STK3: variants seen among roughly 807,000 people sequenced by gnomAD.
STK3 encodes the protein serine/threonine kinase 3, also known as serine/threonine-protein kinase 3.
Under a neutral mutation model 58.0 loss-of-function variants are expected in STK3, and 41 were observed. The observed-to-expected ratio is 0.71, with a 90% CI of 0.55 to 0.92. The LOEUF is 0.92. Ranked by LOEUF, STK3 falls within the 40% of genes least tolerant of loss-of-function variation. The pLI is 0.00. For synonymous variants in STK3, 170 were observed against 191.0 expected, an observed-to-expected ratio of 0.89 and a Z score of 0.91; for missense variants, 479 against 602.7, an observed-to-expected ratio of 0.79 and a Z score of 2.15.
rs768524020 is a variant in STK3, at chr8:98,596,149, T to C, written c.705A>G (p.Thr235=). ...GCTTTCTGAATGTTGGTGGTGGATT[T>C]GTGGGAATCATAAAAATAGCCTAGT... ...HPMRAIFMIP[T]NPPPTFRKPE... is the part of the protein sequence containing the mutation. Residue 235 remains threonine, a synonymous_variant, in exon 7 of 11, where the codon ACA becomes ACG. Transcript: ENST00000419617. The C allele has an allele frequency of 6.2e-7, 1 of 1,612,838 alleles. No individual in the cohort carries two copies. The highest frequency in any genetic ancestry group is 1.1e-5 in the South Asian group (1 of 90,754).
intron 9 of STK3, among the ~76,000 whole-genome samples, chr8:98,535,857 A>G (rs1194651997): frequency 6.6e-6 from 1 of 152,148 alleles, no homozygotes; most frequent in Non-Finnish European, 1.5e-5. Context: ...AAAACCTTCA[A>G]AACAGAAAGA....
At chr8:98,646,838 A>C (rs1021863623) in intron 6 of STK3, among the ~76,000 whole-genome samples, 2 of 152,082 alleles carry the variant, frequency 1.3e-5, no homozygotes, top group Non-Finnish European at 2.9e-5. Context: ...ACTGTTACCA[A>C]CCTAACACAT....
intron 6 of STK3, among the ~76,000 whole-genome samples, chr8:98,696,119 T>A (rs527831929): frequency 1.3e-4 from 20 of 152,324 alleles, no homozygotes; most frequent in African/African-American, 4.6e-4. Flanking sequence ...TTATTCTCTT[T>A]GAAGCAATTG....
intron 1 of STK3, 104 bp downstream of exon 1, chr8:98,825,411 C>A (rs993976323): frequency 2.4e-5 from 27 of 1,111,786 alleles, no homozygotes; most frequent in East Asian, 3.9e-5. Flanking sequence ...CGGCTCGGGG[C>A]CCGGCGGGCG....
At chr8:98,357,128 T>A in the STK3 span, among the ~76,000 whole-genome samples, 1 of 152,208 alleles carries the variant, frequency 6.6e-6, no homozygotes, top group Non-Finnish European at 1.5e-5. Flanking sequence ...GAGCTTAAGA[T>A]GCCATGAACA....
chr8:98,739,939 G>A (rs1436618171), intron 4 of STK3, among the ~76,000 whole-genome samples: 11 of 151,810 alleles, frequency 7.2e-5, no homozygotes, highest in Admixed American at 2.0e-4. Context: ...CGAGAACTAC[G>A]TGAAGAATGC....
At chr8:98,348,921 T>G in the STK3 span, among the ~76,000 whole-genome samples, 1 of 152,158 alleles carries the variant, frequency 6.6e-6, no homozygotes, top group Non-Finnish European at 1.5e-5. Flanking sequence ...CCAAAAGAAG[T>G]TGAAAACTTA....
chr8:98,351,306 A>G, the STK3 span, among the ~76,000 whole-genome samples: 2 of 152,220 alleles, frequency 1.3e-5, no homozygotes, highest in Non-Finnish European at 2.9e-5. Flanking sequence ...AAAGTGTATA[A>G]TGGCTCCATG....
At chr8:98,858,364 A>G (rs1316771838) in intron 3 of STK3, among the ~76,000 whole-genome samples, 1 of 143,842 alleles carries the variant, frequency 7.0e-6, no homozygotes, top group Non-Finnish European at 1.5e-5. Flanking sequence ...AGAGAGACAG[A>G]GAGAGAGTAT....
chr8:98,833,337 G>A (rs1442639805), intron 3 of STK3, among the ~76,000 whole-genome samples: 1 of 152,108 alleles, frequency 6.6e-6, no homozygotes, highest in Non-Finnish European at 1.5e-5. Flanking sequence ...GTTAAAATAA[G>A]GGGGGTTATG....
rs1316553850 is a variant in STK3, at chr8:98,385,874, C to A, written n.56+2318G>T. ...CCCGTATTCCAAATGATTGTGTATT[C>A]TGTGGCTGGATTAATCTTCTTCCAG... On this transcript the variant is annotated intron_variant and non_coding_transcript_variant, in intron 1 of 2. Transcript: ENST00000518704. 2.0e-5 allele frequency among the ~76,000 whole-genome samples: 3 copies of A among 152,180 alleles called. No individual in the cohort carries two copies. The East Asian group carries it at 5.8e-4, about 29-fold the overall frequency.
chr8:98,510,142 C>G (rs1379013691), intron 10 of STK3, among the ~76,000 whole-genome samples: 1 of 152,086 alleles, frequency 6.6e-6, no homozygotes, highest in African/African-American at 2.4e-5. Context: ...ATGATGTTGA[C>G]ATACATTATT....
intron 1 of STK3, among the ~76,000 whole-genome samples, chr8:98,914,646 C>T (rs1318035718): frequency 1.3e-5 from 2 of 152,120 alleles, no homozygotes; most frequent in Non-Finnish European, 2.9e-5. Flanking sequence ...CTCAACTGTC[C>T]TCATCTCTCT....
intron 3 of STK3, among the ~76,000 whole-genome samples, chr8:98,766,209 A>C (rs1261774737): frequency 6.6e-6 from 1 of 152,120 alleles, no homozygotes; most frequent in African/African-American, 2.4e-5. Context: ...ACAGCTATTT[A>C]TTTATATATT....
intron 7 of STK3, among the ~76,000 whole-genome samples, chr8:98,584,905 A>AAAC (rs1814350563): frequency 6.6e-6 from 1 of 151,518 alleles, no homozygotes. Flanking sequence ...TTCTTTTGAG[A>AAAC]AGTGTCTGTT....
At chr8:98,411,502 G>A (rs987553795) in intron 3 of STK3, among the ~76,000 whole-genome samples, 9 of 152,118 alleles carry the variant, frequency 5.9e-5, no homozygotes, top group South Asian at 2.1e-4. Context: ...GATTTAAGGC[G>A]GTGGGGTCTG....
At chr8:98,775,003 A>C (rs1226996584) in intron 1 of STK3, among the ~76,000 whole-genome samples, 184 bp from the exon 2 acceptor site, 1 of 152,162 alleles carries the variant, frequency 6.6e-6, no homozygotes, top group Admixed American at 6.5e-5. Flanking sequence ...GCCCAGCAAC[A>C]CCTCCAAAAA....
At chr8:98,630,992 G>A (rs2130505715) in intron 6 of STK3, among the ~76,000 whole-genome samples, 1 of 151,838 alleles carries the variant, frequency 6.6e-6, no homozygotes, top group African/African-American at 2.4e-5. Flanking sequence ...CAAGATATCT[G>A]AGCCAAAAAC....
Position 98,832,244 on chromosome 8 carries a change from GAA to G in STK3, c.110+51401_110+51402del, listed in dbSNP as rs756031604. Among the ~76,000 whole-genome samples the G allele has an allele frequency of 7.1e-3, 899 of 125,830 alleles. 11 individuals carry two copies. The highest frequency in any genetic ancestry group is 0.03 in the East Asian group (124 of 4,082). 82.5% of individuals were successfully genotyped at this position (125,830 alleles called of 152,430 possible). A position where few individuals can be genotyped will look rare whatever the true frequency, so the allele number is the denominator to read the frequency against. ...ATAGGTTATAGTGCCTCCTTTTCGTGAAAAAAAAAAAATATATATATATATAT... is the reference window on the plus strand; with the variant it reads ...ATAGGTTATAGTGCCTCCTTTTCGTGAAAAAAAAAATATATATATATATAT... On this transcript the variant is annotated intron_variant, in intron 3 of 12. Transcript: ENST00000523601.
Sources: allele counts gnomAD v4.1 joint callset (sites outside exome capture counted in the v4.1 genomes callset), GRCh38; gene constraint gnomAD v4.1.1; transcripts MANE v1.5; gene names NCBI Gene and HGNC (gene_info 2026-07-23, HGNC 2026-07-21).